PALS1: variants seen among roughly 807,000 people sequenced by gnomAD.
PALS1 encodes the protein protein associated with LIN7 1, MAGUK p55 family member.
Under a neutral mutation model 78.9 loss-of-function variants are expected in PALS1, and 31 were observed. That is an observed-to-expected ratio of 0.39 (90% CI 0.30 to 0.53). PALS1 has a LOEUF of 0.53. Ranked by LOEUF, PALS1 falls within the 20% of genes least tolerant of loss-of-function variation. PALS1 has a pLI of 0.67. For synonymous variants in PALS1, 276 were observed against 270.9 expected (o/e 1.02, Z -0.18); for missense variants, 704 against 826.5 (o/e 0.85, Z 1.82).
At chr14:67,323,208 TATAC>T (rs1207060981) in intron 13 of PALS1, among the ~76,000 whole-genome samples, 3 of 140,510 alleles carry the variant, frequency 2.1e-5, no homozygotes, top group Non-Finnish European at 4.5e-5. Context: ...TGTGTATATA[TATAC>T]ATATATACAC....
rs760899179 is a variant in PALS1 at position 67,303,578 on chromosome 14, G to T, written c.1020G>T (p.Pro340=). 9.3e-6 allele frequency: 15 copies of T among 1,613,234 alleles called. No homozygotes were observed. The highest frequency in any genetic ancestry group is 1.3e-5 in the African/African-American group (1 of 74,874). ...FVLIPSQQIK[P]PPAKETVIHV... ...TGATTCCCAGTCAACAGATCAAGCC[G>T]CCTCCTGCCAAGGAAACAGTAGTAA... is the stretch of plus-strand genomic sequence containing the variant. The change falls in exon 8 of 15, where the codon CCG becomes CCT. Residue 340 remains proline, a synonymous_variant. Transcript: ENST00000261681.
At chr14:67,331,185 C>T (rs920233262) in intron 14 of PALS1, among the ~76,000 whole-genome samples, 1 of 152,058 alleles carries the variant, frequency 6.6e-6, no homozygotes, top group African/African-American at 2.4e-5. Context: ...GCTGGGATTA[C>T]AGATGTGCAC....
chr14:67,272,585 T>C (rs532665526), intron 2 of PALS1, among the ~76,000 whole-genome samples: 38 of 152,184 alleles, frequency 2.5e-4, no homozygotes, highest in Non-Finnish European at 4.6e-4. Context: ...TCCTCCTCCT[T>C]TACCTCTTTC....
In PALS1 at chr14:67,333,846, T is replaced by C. The variant is rs2085486892; in HGVS notation, c.*890T>C. On this transcript the variant is annotated 3_prime_UTR_variant, in exon 15 of 15. Transcript: ENST00000261681. ...AGTTTCTTCCTCATGATGCTAATAG[T>C]TTTTTGTATACATGGGAGGATAGCA... The C allele has an allele frequency of 6.6e-6, 1 of 152,574 alleles. No homozygotes were observed. The highest frequency in any genetic ancestry group is 1.5e-5 in the Non-Finnish European group (1 of 68,022). The allele number at this position is 152,574 out of a possible 1,614,324, so 9.5% of individuals were successfully genotyped here. A position where few individuals can be genotyped will look rare whatever the true frequency, so the allele number is the denominator to read the frequency against.
At chr14:67,284,568 A>ACAAAAAAAC (rs1567520594) in intron 3 of PALS1, among the ~76,000 whole-genome samples, 1 of 140,060 alleles carries the variant, frequency 7.1e-6, no homozygotes, top group African/African-American at 2.6e-5. Flanking sequence ...AAAAAAAAAA[A>ACAAAAAAAC]AAAAAAAAAA....
intron 1 of PALS1, among the ~76,000 whole-genome samples, chr14:67,247,035 G>T (rs1052772979): frequency 3.9e-5 from 6 of 152,118 alleles, no homozygotes; most frequent in African/African-American, 1.4e-4. Context: ...ACTATTTTTA[G>T]TTCCTTTGCT....
At position 67,281,762 on chromosome 14, in the gene PALS1, TTTTG is replaced by T. The variant is rs1355427470; in HGVS notation, c.367+2233_367+2236del. On this transcript the variant is annotated intron_variant, in intron 3 of 14. Transcript: ENST00000261681. ...TAAGAGAACAGTTGTGAGTTTATGGTTTTGTTTGTTTTGCCTAAGCACACAAAAT... is the reference window on the plus strand; with the variant it reads ...TAAGAGAACAGTTGTGAGTTTATGGTTTTGTTTTGCCTAAGCACACAAAAT... Among the ~76,000 whole-genome samples the T allele has an allele frequency of 5.3e-5, 8 of 152,262 alleles. No individual in the cohort carries two copies. The South Asian group carries it at 8.3e-4, about 16-fold the overall frequency.
chr14:67,247,535 C>T (rs1331582251), intron 1 of PALS1, among the ~76,000 whole-genome samples: 1 of 151,954 alleles, frequency 6.6e-6, no homozygotes, highest in Non-Finnish European at 1.5e-5. Flanking sequence ...TTAGGACTTC[C>T]ACTGAGATGT....
At chr14:67,331,023 C>A (rs1240901050) in intron 14 of PALS1, among the ~76,000 whole-genome samples, 1 of 151,884 alleles carries the variant, frequency 6.6e-6, no homozygotes, top group East Asian at 1.9e-4. Flanking sequence ...ATTTATTCTA[C>A]TTAAGTTTTT....
intron 1 of PALS1, among the ~76,000 whole-genome samples, chr14:67,252,058 G>A (rs540285278): frequency 6.5e-4 from 99 of 152,278 alleles, no homozygotes; most frequent in African/African-American, 2.1e-3. Flanking sequence ...CACACCACCC[G>A]CCTAAACCTT....
At chr14:67,263,524 A>T (rs1456418768) in intron 1 of PALS1, among the ~76,000 whole-genome samples, 1 of 152,248 alleles carries the variant, frequency 6.6e-6, no homozygotes, top group African/African-American at 2.4e-5. Context: ...TGAACTAAGA[A>T]TTAATCTTTA....
chr14:67,281,368 C>A (rs2070086126), intron 3 of PALS1, among the ~76,000 whole-genome samples: 2 of 152,248 alleles, frequency 1.3e-5, no homozygotes, highest in South Asian at 2.1e-4. Flanking sequence ...ATTTTAATTA[C>A]AGTGAAAGCT....
intron 8 of PALS1, 93 bp downstream of exon 8, chr14:67,303,692 G>A: frequency 1.2e-6 from 1 of 833,960 alleles, no homozygotes; most frequent in Non-Finnish European, 2.0e-6. Flanking sequence ...ACTGTTTCCT[G>A]TACTCAAATA....
intron 13 of PALS1, among the ~76,000 whole-genome samples, chr14:67,323,261 G>A (rs149656482): frequency 0.073 from 9,000 of 123,844 alleles, 795 homozygotes; most frequent in East Asian, 0.43. Context: ...GTGTGTGTGT[G>A]TATATATATA....
At chr14:67,265,950 A>T (rs1006919260) in intron 1 of PALS1, among the ~76,000 whole-genome samples, 1 of 152,072 alleles carries the variant, frequency 6.6e-6, no homozygotes, top group Non-Finnish European at 1.5e-5. Flanking sequence ...TCCATTAAAA[A>T]ACTTTTAAAA....
chr14:67,321,814 C>T (rs2085268066), intron 13 of PALS1, among the ~76,000 whole-genome samples: 1 of 152,020 alleles, frequency 6.6e-6, no homozygotes. Context: ...TGTATATATG[C>T]TTGTATGTAT....
At chr14:67,318,555 T>G (rs2085213538) in intron 11 of PALS1, among the ~76,000 whole-genome samples, 1 of 152,238 alleles carries the variant, frequency 6.6e-6, no homozygotes, top group Admixed American at 6.5e-5. Flanking sequence ...GCTACCAGTC[T>G]TGATTATACG....
intron 1 of PALS1, among the ~76,000 whole-genome samples, chr14:67,254,539 CCTTT>C (rs2084117105): frequency 6.6e-6 from 1 of 152,156 alleles, no homozygotes; most frequent in Admixed American, 6.5e-5. Context: ...CATTAGCCTT[CCTTT>C]CTTATCAGAT....
Position 67,279,254 on chromosome 14 carries a change from A to G in PALS1, c.84A>G (p.Glu28=), listed in dbSNP as rs775038912. 6.2e-7 allele frequency: 1 copy of G among 1,613,952 alleles called. No homozygotes were observed. Among genetic ancestry groups the G allele is most frequent in the Non-Finnish European group, 8.5e-7 (1 of 1,179,978 alleles). Residue 28 remains glutamate, a synonymous_variant, in exon 3 of 15, where the codon GAA becomes GAG. Transcript: ENST00000261681. The part of the protein sequence containing the change: ...VKNVDLASPE[E]HQKHREMAVD... The stretch of plus-strand genomic sequence containing the variant: ...ATGTTGATCTTGCATCACCAGAGGA[A>G]CATCAGAAGCACCGAGAGATGGCTG...
Sources: gnomAD v4.1 joint callset for allele counts (sites outside exome capture counted in the v4.1 genomes callset) on GRCh38, gnomAD v4.1.1 for gene constraint, MANE v1.5 for transcripts, NCBI Gene and HGNC (gene_info 2026-07-23, HGNC 2026-07-21) for gene names.